B3GLCT: variants seen among roughly 807,000 people sequenced by gnomAD.
The protein encoded by B3GLCT is beta-1,3-glucosyltransferase.
B3GLCT carries 65 observed loss-of-function variants against 63.4 expected under a neutral mutation model. The observed-to-expected ratio is 1.03, with a 90% CI of 0.84 to 1.26. The LOEUF is 1.26. Among genes scored for constraint, B3GLCT ranks in the 50% most tolerant of loss-of-function variants. B3GLCT has a pLI of 0.00. For synonymous variants in B3GLCT, 233 were observed against 219.2 expected, an observed-to-expected ratio of 1.06 and a Z score of -0.55; for missense variants, 577 against 604.8, an observed-to-expected ratio of 0.95 and a Z score of 0.48.
At chr13:31,202,810 T>C (rs1868750743) in intron 1 of B3GLCT, among the ~76,000 whole-genome samples, 1 of 152,154 alleles carries the variant, frequency 6.6e-6, no homozygotes, top group Admixed American at 6.5e-5. Context: ...GGCCATCTTG[T>C]GACCATGAGG....
chr13:31,212,128 C>T (rs190575461), intron 1 of B3GLCT, among the ~76,000 whole-genome samples: 47 of 150,904 alleles, frequency 3.1e-4, no homozygotes, highest in Admixed American at 3.1e-3. Flanking sequence ...TTTTTTGAGA[C>T]AGAGTCTCGC....
chr13:31,296,684 T>C (rs1329408734), intron 12 of B3GLCT, among the ~76,000 whole-genome samples: 1 of 113,602 alleles, frequency 8.8e-6, no homozygotes, highest in Non-Finnish European at 1.9e-5. Context: ...GATGGAGAAA[T>C]ACTGTAAAAT....
chr13:31,286,161 C>A (rs1437333258), intron 11 of B3GLCT, among the ~76,000 whole-genome samples: 1 of 152,188 alleles, frequency 6.6e-6, no homozygotes, highest in African/African-American at 2.4e-5. Flanking sequence ...CTATTGGTAT[C>A]TGAAGGACTG....
At chr13:31,294,816 C>T (rs192552646) in intron 12 of B3GLCT, among the ~76,000 whole-genome samples, 7 of 152,176 alleles carry the variant, frequency 4.6e-5, no homozygotes, top group Admixed American at 3.3e-4. Flanking sequence ...TCTGTCAGTT[C>T]GTCATACTCA....
intron 12 of B3GLCT, among the ~76,000 whole-genome samples, chr13:31,294,551 GT>G (rs1247608883): frequency 6.6e-6 from 1 of 151,976 alleles, no homozygotes; most frequent in Non-Finnish European, 1.5e-5. Context: ...CTTTATTTCA[GT>G]AAGTTGGTCT....
chr13:31,330,098 C>G lies in B3GLCT; in HGVS notation c.*430C>G, dbSNP rs1257374009. The G allele has an allele frequency of 5.0e-6, 1 of 200,344 alleles. No individual in the cohort carries two copies. Among genetic ancestry groups the G allele is most frequent in the Non-Finnish European group, 1.0e-5 (1 of 97,020 alleles). The allele number at this position is 200,344 out of a possible 1,614,324, so 12.4% of individuals were successfully genotyped here. Reference sequence around the variant, plus strand: ...TATATATAAAAAGAAGACTGAAAGTCTTTTGACATGGATATTGTGAATGGT... The same window carrying G: ...TATATATAAAAAGAAGACTGAAAGTGTTTTGACATGGATATTGTGAATGGT... On this transcript the variant is annotated 3_prime_UTR_variant, in exon 15 of 15. Coordinates refer to ENST00000343307, the MANE Select transcript of B3GLCT (RefSeq NM_194318.4).
At chr13:31,321,992 A>G (rs781367335) in intron 13 of B3GLCT, among the ~76,000 whole-genome samples, 6 of 152,008 alleles carry the variant, frequency 3.9e-5, no homozygotes, top group Non-Finnish European at 5.9e-5. Context: ...CCTCATCCCC[A>G]CCCCTCTTCC....
At chr13:31,318,976 C>T (rs1252811764) in intron 13 of B3GLCT, among the ~76,000 whole-genome samples, 1 of 152,174 alleles carries the variant, frequency 6.6e-6, no homozygotes, top group Non-Finnish European at 1.5e-5. Flanking sequence ...TCAAGGCCTT[C>T]TGAAACCTCA....
In B3GLCT at chr13:31,319,238, A is replaced by AC. The variant is rs1484648357; in HGVS notation, c.1184+1556dup. Reference sequence around the variant, plus strand: ...CCTTTAACTTCTGTGCTCAGCGTCTACCCTGCCCCTGGGTACTTCCCACCA... The same window carrying AC: ...CCTTTAACTTCTGTGCTCAGCGTCTACCCCTGCCCCTGGGTACTTCCCACCA... On this transcript the variant is annotated intron_variant, in intron 13 of 14. Transcript: ENST00000343307. Among the ~76,000 whole-genome samples, 13 of 152,156 alleles carry AC rather than the reference A, an allele frequency of 8.5e-5. No homozygotes were observed. The East Asian group carries it at 2.5e-3, about 29-fold the overall frequency.
intron 12 of B3GLCT, among the ~76,000 whole-genome samples, chr13:31,304,437 C>T (rs1020322241): frequency 3.0e-5 from 2 of 66,056 alleles, no homozygotes; most frequent in African/African-American, 1.1e-4. Flanking sequence ...AAACCTATCT[C>T]ACGTGCAGAG....
intron 12 of B3GLCT, among the ~76,000 whole-genome samples, chr13:31,315,121 G>A (rs373005949): frequency 1.2e-4 from 18 of 152,270 alleles, no homozygotes; most frequent in Admixed American, 7.2e-4. Context: ...TATCAGCAGC[G>A]TAAAAATGGA....
intron 1 of B3GLCT, among the ~76,000 whole-genome samples, chr13:31,213,097 A>C (rs1281182097): frequency 1.3e-5 from 2 of 152,146 alleles, no homozygotes; most frequent in African/African-American, 4.8e-5. Flanking sequence ...GATCCTGGTG[A>C]AAATAAAGGT....
At chr13:31,237,394 C>T (rs1220091674) in intron 4 of B3GLCT, among the ~76,000 whole-genome samples, 1 of 127,744 alleles carries the variant, frequency 7.8e-6, no homozygotes. Context: ...GCTTCTGTTT[C>T]CTAGGCTGGA....
intron 4 of B3GLCT, among the ~76,000 whole-genome samples, chr13:31,231,945 TG>T (rs1870401582): frequency 6.6e-6 from 1 of 152,168 alleles, no homozygotes; most frequent in Non-Finnish European, 1.5e-5. Flanking sequence ...CTGTGTAAGC[TG>T]AACTTGGCAG....
chr13:31,330,081 A>G lies in B3GLCT; in HGVS notation c.*413A>G, dbSNP rs1200314930. On this transcript the variant is annotated 3_prime_UTR_variant, in exon 15 of 15. Transcript: ENST00000343307. The stretch of plus-strand genomic sequence containing the variant: ...GTCTACAGTTCTATTTGTATATATA[A>G]AAAGAAGACTGAAAGTCTTTTGACA... 4.9e-6 allele frequency: 1 copy of G among 205,952 alleles called. No homozygotes were observed. Among genetic ancestry groups the G allele is most frequent in the African/African-American group, 2.4e-5 (1 of 42,480 alleles). 12.8% of individuals were successfully genotyped at this position (205,952 alleles called of 1,614,324 possible).
intron 1 of B3GLCT, among the ~76,000 whole-genome samples, chr13:31,207,511 A>G (rs975057798): frequency 6.6e-6 from 1 of 152,126 alleles, no homozygotes; most frequent in Admixed American, 6.5e-5. Context: ...AAAGTATGAA[A>G]TGATCTTTTC....
At chr13:31,268,224 G>A (rs1164353999) in intron 7 of B3GLCT, among the ~76,000 whole-genome samples, 1 of 152,078 alleles carries the variant, frequency 6.6e-6, no homozygotes, top group Non-Finnish European at 1.5e-5. Context: ...GTCTAGTCTT[G>A]AGCTCTATAA....
chr13:31,202,815 A>G (rs1461160634), intron 1 of B3GLCT, among the ~76,000 whole-genome samples: 5 of 152,168 alleles, frequency 3.3e-5, no homozygotes, highest in Non-Finnish European at 5.9e-5. Context: ...TCTTGTGACC[A>G]TGAGGTGACC....
At chr13:31,268,314 G>C (rs1349844729) in intron 7 of B3GLCT, among the ~76,000 whole-genome samples, 1 of 152,162 alleles carries the variant, frequency 6.6e-6, no homozygotes, top group Admixed American at 6.5e-5. Context: ...ATAATATGTT[G>C]TCTAATTCAT....
Sources: allele counts gnomAD v4.1 joint callset (sites outside exome capture counted in the v4.1 genomes callset), GRCh38; gene constraint gnomAD v4.1.1; transcripts MANE v1.5; gene names NCBI Gene and HGNC (gene_info 2026-07-23, HGNC 2026-07-21).